MFGE8: variants seen among roughly 807,000 people sequenced by gnomAD.
The protein encoded by MFGE8 is milk fat globule EGF and factor V/VIII domain containing, also known as lactadherin.
Under a neutral mutation model 42.6 loss-of-function variants are expected in MFGE8, and 34 were observed. The ratio of observed to expected loss-of-function variants is 0.80; its 90% CI spans 0.61 to 1.06. The LOEUF (loss-of-function observed/expected upper bound fraction) is 1.06, where lower values mean the gene tolerates loss of function less well. Among genes scored for constraint, MFGE8 ranks in the 50% least tolerant of loss-of-function variants. The pLI is 0.00. For missense variants in MFGE8, 510 were observed against 516.9 expected (o/e 0.99, Z 0.13); for synonymous variants, 230 against 214.8 (o/e 1.07, Z -0.62).
At chr15:88,901,098 C>T (rs1898358262) in intron 6 of MFGE8, among the ~76,000 whole-genome samples, 1 of 66,514 alleles carries the variant, frequency 1.5e-5, no homozygotes, top group African/African-American at 4.2e-5. Flanking sequence ...CACACATTCA[C>T]AAATACACAT....
At position 88,912,827 on chromosome 15, in the gene MFGE8, G is replaced by A. The variant is rs79552723; in HGVS notation, c.73+420C>T. 5 of 985,430 alleles carry A rather than the reference G, an allele frequency of 5.1e-6. No individual in the cohort carries two copies. The African/African-American group carries it at 8.7e-5, about 17-fold the overall frequency. The allele number at this position is 985,430 out of a possible 1,614,324, so 61.0% of individuals were successfully genotyped here. On this transcript the variant is annotated intron_variant, in intron 1 of 7. Coordinates refer to ENST00000268150, the MANE Select transcript of MFGE8 (RefSeq NM_005928.4). ...ACTGTCCAGCCAACTGGAGTTGGCA[G>A]GGAGATGGCCAGGACAAAGTTATCC...
chr15:88,913,031 C>T (rs1432460987), intron 1 of MFGE8: 1 of 985,298 alleles, frequency 1.0e-6, no homozygotes, highest in Non-Finnish European at 1.2e-6. Context: ...ACCCGATGTC[C>T]CGAGTCCCAG....
intron 5 of MFGE8, chr15:88,904,581 G>A (rs1371309820): frequency 2.0e-5 from 3 of 152,234 alleles, no homozygotes; most frequent in Admixed American, 2.0e-4. Context: ...GGGACTCCAG[G>A]GAGAGGCACA....
chr15:88,901,321 A>ACACGCACACATT (rs1185662058), intron 6 of MFGE8, among the ~76,000 whole-genome samples: 200 of 149,028 alleles, frequency 1.3e-3, no homozygotes, highest in African/African-American at 4.6e-3. Context: ...ACACACATTC[A>ACACGCACACATT]CACACACACA....
chr15:88,907,237 A>G lies in MFGE8; in HGVS notation c.345T>C (p.Asn115=), dbSNP rs144515829. The part of the protein sequence containing the change: ...LARLNRAGMV[N]AWTPSSNDDN... ...CGTCATTGCTGCTGGGTGTCCAGGC[A>G]TTGACCATGCCTGCGCGGTTCAGGC... Residue 115 remains asparagine (N), a synonymous_variant, in exon 3 of 8, where the codon AAT becomes AAC. Transcript: ENST00000268150. 4.2e-4 allele frequency: 679 copies of G among 1,614,088 alleles called. 3 individuals carry two copies. In the Middle Eastern group the frequency reaches 4.6e-3, roughly 11 times the overall value.
At chr15:88,901,897 C>G in intron 5 of MFGE8, 162 bp from the exon 6 acceptor site, 1 of 708,506 alleles carries the variant, frequency 1.4e-6, no homozygotes, top group East Asian at 2.8e-5. Context: ...GCCAACTGTG[C>G]GACCTTCTCA....
Position 88,899,617 on chromosome 15 carries a change from A to G in MFGE8, c.1026+39T>C. The G allele has an allele frequency of 6.2e-7, 1 of 1,614,136 alleles. No individual in the cohort carries two copies. Among genetic ancestry groups the G allele is most frequent in the Non-Finnish European group, 8.5e-7 (1 of 1,180,016 alleles). On this transcript the variant is annotated intron_variant, in intron 7 of 7. Coordinates refer to ENST00000268150, the MANE Select transcript of MFGE8 (RefSeq NM_005928.4). The surrounding 1 kb of genome is among the most constrained non-coding windows in gnomAD (Gnocchi z 6.8). ...AGGCCAGACTCCCAGGGAAGTAATG[A>G]AGGAATGGCAAAGGGTGGGCAGCTG...
chr15:88,913,083 T>G (rs1055951324), intron 1 of MFGE8, 164 bp downstream of exon 1: 1 of 985,432 alleles, frequency 1.0e-6, no homozygotes, highest in African/African-American at 1.7e-5. Flanking sequence ...CGCATCCCCC[T>G]GTCCCGCCAG....
intron 1 of MFGE8, chr15:88,912,124 CTGTG>C: frequency 7.8e-7 from 1 of 1,289,814 alleles, no homozygotes; most frequent in Non-Finnish European, 1.0e-6. Context: ...GCCACGTTAC[CTGTG>C]TGTAAGATAG....
At position 88,906,395 on chromosome 15, in the gene MFGE8, T is replaced by A. The variant is rs930746003; in HGVS notation, c.540+231A>T. ...CACTATCACCCTCAACAGGTCACTG[T>A]GCCATTTTGAATCTCACTAGTCTCA... On this transcript the variant is annotated intron_variant, in intron 4 of 7. Transcript: ENST00000268150. This position sits in a 1 kb window ranked among gnomAD's most constrained non-coding sequence, Gnocchi z 4.2. The A allele has an allele frequency of 7.2e-6, 4 of 555,796 alleles. No homozygotes were observed. The highest frequency in any genetic ancestry group is 1.3e-5 in the Non-Finnish European group (4 of 305,488). 34.4% of individuals were successfully genotyped at this position (555,796 alleles called of 1,614,324 possible).
rs1482907755 is a variant in MFGE8, at chr15:88,906,062, T to G, written c.541-161A>C. On this transcript the variant is annotated intron_variant, in intron 4 of 7. Transcript: ENST00000268150. This position sits in a 1 kb window ranked among gnomAD's most constrained non-coding sequence, Gnocchi z 4.2. ...CAGAGGCTCACACAGCAGCCTCTCC[T>G]TTGGCCACCCCACGGCCCTCCACAA... 1.3e-6 allele frequency: 1 copy of G among 783,264 alleles called. No individual in the cohort carries two copies. The highest frequency in any genetic ancestry group is 1.7e-5 in the African/African-American group (1 of 58,208). The allele number at this position is 783,264 out of a possible 1,614,324, so 48.5% of individuals were successfully genotyped here. A position where few individuals can be genotyped will look rare whatever the true frequency, so the allele number is the denominator to read the frequency against.
intron 5 of MFGE8, chr15:88,904,036 C>G (rs1364586671): frequency 6.6e-6 from 1 of 152,306 alleles, no homozygotes; most frequent in Non-Finnish European, 1.5e-5. Flanking sequence ...GCCTTCCCGA[C>G]AGAGCAGTCC....
chr15:88,899,848 C>T lies in MFGE8; in HGVS notation c.871-37G>A, dbSNP rs1443360813. The T allele has an allele frequency of 6.2e-7, 1 of 1,612,946 alleles. No homozygotes were observed. Among genetic ancestry groups the T allele is most frequent in the African/African-American group, 1.3e-5 (1 of 74,878 alleles). ...ACCAACCACATTTTCTCTGCTTGGA[C>T]CATCTCCAGTAAGGTGAAAAGAGGC... On this transcript the variant is annotated intron_variant, in intron 6 of 7. Transcript: ENST00000268150. The surrounding 1 kb of genome is among the most constrained non-coding windows in gnomAD (Gnocchi z 6.8).
intron 1 of MFGE8, among the ~76,000 whole-genome samples, chr15:88,911,658 C>T (rs913575616): frequency 2.6e-5 from 4 of 151,840 alleles, no homozygotes; most frequent in Non-Finnish European, 5.9e-5. Context: ...ACCCAGCGGG[C>T]GAAGCTTGTA....
intron 1 of MFGE8, chr15:88,912,815 C>T (rs543358387): frequency 1.0e-6 from 1 of 985,448 alleles, no homozygotes; most frequent in African/African-American, 1.7e-5. Flanking sequence ...GTCCAGCCAA[C>T]TGGAGTTGGC....
At chr15:88,901,515 C>CA in intron 6 of MFGE8, 36 bp downstream of exon 6, 19 of 1,054,060 alleles carry the variant, frequency 1.8e-5, no homozygotes, top group East Asian at 2.7e-5. Flanking sequence ...TCATCCCACC[C>CA]AACCCCAGCC....
In MFGE8 at chr15:88,907,291, A is replaced by G. The variant is rs764688724; in HGVS notation, c.291T>C (p.Gly97=). Residue 97 remains glycine, a synonymous_variant, in exon 3 of 8, where the codon GGT becomes GGC. Transcript: ENST00000268150. ...CCAGCTCCGGGACCCAATGCTGCAA[A>G]CCCAAGAAGGTCACACGCACAGACG... ...AASSVRVTFL[G]LQHWVPELAR... 2.2e-5 allele frequency: 36 copies of G among 1,614,038 alleles called. 1 individual carries two copies. The South Asian group carries it at 4.0e-4, about 18-fold the overall frequency.
intron 2 of MFGE8, among the ~76,000 whole-genome samples, chr15:88,907,992 G>C (rs766401846): frequency 6.6e-6 from 1 of 152,178 alleles, no homozygotes; most frequent in East Asian, 1.9e-4. Context: ...CCACTGGCAG[G>C]AGTTCTCTGG....
chr15:88,912,129 T>C (rs1309232464), intron 1 of MFGE8: 5 of 1,289,674 alleles, frequency 3.9e-6, no homozygotes, highest in Non-Finnish European at 4.0e-6. Context: ...GTTACCTGTG[T>C]GTAAGATAGG....
Sources: gnomAD v4.1 joint callset for allele counts (sites outside exome capture counted in the v4.1 genomes callset) on GRCh38, gnomAD v4.1.1 for gene constraint, Gnocchi (gnomAD v3.1) non-coding constraint, MANE v1.5 for transcripts, NCBI Gene and HGNC (gene_info 2026-07-23, HGNC 2026-07-21) for gene names.